Variants in PPFIA2 observed in about 807,000 individuals in gnomAD.
PPFIA2 encodes the protein liprin-alpha-2.
In PPFIA2, 46 loss-of-function variants were observed where a neutral mutation model predicts 175.5. That is an observed-to-expected ratio of 0.26 (90% CI 0.21 to 0.34). The LOEUF (loss-of-function observed/expected upper bound fraction) is 0.34. Among genes scored for constraint, PPFIA2 ranks in the 10% least tolerant of loss-of-function variants. The pLI is 1.00. For missense variants in PPFIA2, 1,179 were observed against 1,506.1 expected (o/e 0.78, Z 3.60); for synonymous variants, 568 against 511.4 (o/e 1.11, Z -1.49).
rs112994769 is a variant in PPFIA2, at chr12:81,320,746, A to T, written c.2642+5031T>A. On this transcript the variant is annotated intron_variant, in intron 22 of 32. Coordinates refer to ENST00000549396, the MANE Select transcript of PPFIA2 (RefSeq NM_003625.5). ...ATTGCTGGAGATAAATAACAATTCA[A>T]TGGATATTCTATCAATTTTAATATG... 3.3e-5 allele frequency among the ~76,000 whole-genome samples: 5 copies of T among 152,202 alleles called. 1 individual carries two copies. Among genetic ancestry groups the T allele is most frequent in the African/African-American group, 1.2e-4 (5 of 41,570 alleles).
intron 7 of PPFIA2, among the ~76,000 whole-genome samples, chr12:81,437,290 C>T (rs992017620): frequency 6.6e-6 from 1 of 152,038 alleles, no homozygotes; most frequent in Non-Finnish European, 1.5e-5. Flanking sequence ...AGTGCAGTGG[C>T]GCGATCTCGG....
chr12:81,342,695 T>C (rs2058335147), intron 19 of PPFIA2, among the ~76,000 whole-genome samples: 1 of 152,100 alleles, frequency 6.6e-6, no homozygotes, highest in African/African-American at 2.4e-5. Flanking sequence ...GTTTCTGAAC[T>C]ATTCCTAATA....
chr12:81,504,204 C>G (rs2060891549), intron 4 of PPFIA2, among the ~76,000 whole-genome samples: 1 of 151,940 alleles, frequency 6.6e-6, no homozygotes, highest in Non-Finnish European at 1.5e-5. Flanking sequence ...ATGGAAAGAA[C>G]AGGCAATCTA....
chr12:81,725,966 A>T (rs1241008670), intron 3 of PPFIA2, among the ~76,000 whole-genome samples: 2 of 150,926 alleles, frequency 1.3e-5, no homozygotes, highest in Non-Finnish European at 3.0e-5. Context: ...CTCTCTTAGG[A>T]AACTATTTCA....
chr12:81,707,186 T>C (rs1222844022), intron 3 of PPFIA2, among the ~76,000 whole-genome samples: 3 of 151,996 alleles, frequency 2.0e-5, no homozygotes, highest in Non-Finnish European at 4.4e-5. Context: ...CTAATTAAAC[T>C]AAAGAGTTTC....
chr12:81,402,374 T>C (rs2042232685), intron 8 of PPFIA2, among the ~76,000 whole-genome samples: 1 of 152,180 alleles, frequency 6.6e-6, no homozygotes, highest in South Asian at 2.1e-4. Context: ...GGCTTTAAAT[T>C]ACAATCCTTT....
At chr12:81,363,508 G>A (rs950413119) in intron 14 of PPFIA2, among the ~76,000 whole-genome samples, 2 of 151,464 alleles carry the variant, frequency 1.3e-5, no homozygotes, top group Non-Finnish European at 3.0e-5. Flanking sequence ...CATTCAATTT[G>A]GTTTTAATGA....
chr12:81,378,360 C>A (rs2036877971), intron 9 of PPFIA2, among the ~76,000 whole-genome samples: 1 of 151,982 alleles, frequency 6.6e-6, no homozygotes, highest in East Asian at 1.9e-4. Context: ...AAGACCCAGT[C>A]AAAAGCTACT....
At chr12:81,421,664 A>G (rs2046265479) in intron 7 of PPFIA2, among the ~76,000 whole-genome samples, 1 of 152,096 alleles carries the variant, frequency 6.6e-6, no homozygotes, top group Non-Finnish European at 1.5e-5. Context: ...AATTAACAAA[A>G]AGAAATTAGT....
At chr12:81,688,417 A>G (rs1461008367) in intron 3 of PPFIA2, among the ~76,000 whole-genome samples, 3 of 151,930 alleles carry the variant, frequency 2.0e-5, no homozygotes, top group Admixed American at 1.3e-4. Context: ...TGTTTGATGG[A>G]TCGGAGGCTC....
At chr12:81,436,931 C>T (rs961592532) in intron 7 of PPFIA2, among the ~76,000 whole-genome samples, 3 of 152,040 alleles carry the variant, frequency 2.0e-5, no homozygotes, top group African/African-American at 2.4e-5. Context: ...TACTAACAGA[C>T]GTGATTTTTA....
chr12:81,655,806 T>C (rs531259140), intron 4 of PPFIA2, among the ~76,000 whole-genome samples: 3 of 152,160 alleles, frequency 2.0e-5, no homozygotes, highest in African/African-American at 7.2e-5. Flanking sequence ...TTGCTCAGAT[T>C]ATTATCTTTA....
chr12:81,328,505 T>C (rs929295791), intron 21 of PPFIA2, among the ~76,000 whole-genome samples: 1 of 152,340 alleles, frequency 6.6e-6, no homozygotes, highest in African/African-American at 2.4e-5. Flanking sequence ...AAATAAAATA[T>C]AGGATTAAAA....
intron 4 of PPFIA2, among the ~76,000 whole-genome samples, chr12:81,465,955 T>C (rs2055539993): frequency 6.6e-6 from 1 of 152,188 alleles, no homozygotes; most frequent in Non-Finnish European, 1.5e-5. Flanking sequence ...TGTAATCAAA[T>C]GCAGTGTTAA....
At chr12:81,641,634 AGCT>A (rs1225137991) in intron 4 of PPFIA2, among the ~76,000 whole-genome samples, 1 of 152,110 alleles carries the variant, frequency 6.6e-6, no homozygotes, top group African/African-American at 2.4e-5. Flanking sequence ...GAGTCGTCTC[AGCT>A]GAACCATTTT....
At chr12:81,497,689 G>A (rs1360965243) in intron 4 of PPFIA2, among the ~76,000 whole-genome samples, 2 of 151,774 alleles carry the variant, frequency 1.3e-5, no homozygotes, top group Non-Finnish European at 2.9e-5. Context: ...ACAGGCACAC[G>A]CCACCACGTC....
At chr12:81,594,199 T>C (rs1249514447) in intron 4 of PPFIA2, among the ~76,000 whole-genome samples, 3 of 151,878 alleles carry the variant, frequency 2.0e-5, no homozygotes, top group South Asian at 2.1e-4. Context: ...CATGGAAAAA[T>C]TGTCTTCCAG....
chr12:81,433,294 A>T (rs1156693819), intron 7 of PPFIA2, among the ~76,000 whole-genome samples: 1 of 152,118 alleles, frequency 6.6e-6, no homozygotes, highest in East Asian at 1.9e-4. Flanking sequence ...TCCTTCAAGG[A>T]TATACTCAAA....
At chr12:81,366,093 CCTT>C (rs2033316422) in intron 14 of PPFIA2, among the ~76,000 whole-genome samples, 1 of 146,914 alleles carries the variant, frequency 6.8e-6, no homozygotes. Flanking sequence ...TCCCCCTCTC[CCTT>C]CTTTCCTTCA....
Sources: allele counts gnomAD v4.1 joint callset (sites outside exome capture counted in the v4.1 genomes callset), GRCh38; gene constraint gnomAD v4.1.1; transcripts MANE v1.5; gene names NCBI Gene and HGNC (gene_info 2026-07-23, HGNC 2026-07-21).